GLB1L3: variants seen among roughly 807,000 people sequenced by gnomAD.
The protein encoded by GLB1L3 is galactosidase beta 1 like 3, also known as beta-galactosidase-1-like protein 3.
A neutral mutation model predicts 89.5 loss-of-function variants in GLB1L3; 89 were observed. The observed-to-expected ratio is 0.99, with a 90% confidence interval of 0.84 to 1.19. GLB1L3 has a LOEUF of 1.19. Among genes scored for constraint, GLB1L3 ranks in the 50% most tolerant of loss-of-function variants. GLB1L3 has a pLI of 0.00. For missense variants in GLB1L3, 812 were observed against 813.3 expected, an observed-to-expected ratio of 1.00 and a Z score of 0.02; for synonymous variants, 314 against 312.3, an observed-to-expected ratio of 1.01 and a Z score of -0.06.
At chr11:134,302,824 T>G (rs1031598164) in intron 9 of GLB1L3, among the ~76,000 whole-genome samples, 5 of 152,206 alleles carry the variant, frequency 3.3e-5, no homozygotes, top group Non-Finnish European at 5.9e-5. Context: ...AGTATTCTGT[T>G]TAAGTTCTAT....
In GLB1L3 at chr11:134,312,345, A is replaced by T. The variant is rs1356585401; in HGVS notation, c.1288-4A>T. The T allele has an allele frequency of 1.9e-6, 3 of 1,613,180 alleles. No individual in the cohort carries two copies. The highest frequency in any genetic ancestry group is 2.5e-6 in the Non-Finnish European group (3 of 1,179,770). On this transcript the variant is annotated splice_region_variant and splice_polypyrimidine_tract_variant and intron_variant, in intron 13 of 19. Transcript: ENST00000431683. ...ACTTCTGCTCTTGCCATTTCTCCTC[A>T]TAGCCAGTCAGGTCGCGTCAGCCCG... is the stretch of plus-strand genomic sequence containing the variant.
chr11:134,299,601 G>C (rs1462614956), intron 9 of GLB1L3, among the ~76,000 whole-genome samples: 1 of 152,146 alleles, frequency 6.6e-6, no homozygotes, highest in East Asian at 1.9e-4. Context: ...TTTTCTCTGT[G>C]TCTGCATTCC....
chr11:134,313,267 A>T (rs903784321), intron 15 of GLB1L3, 129 bp from the exon 16 acceptor site: 10 of 667,220 alleles, frequency 1.5e-5, no homozygotes, highest in Admixed American at 1.2e-4. Flanking sequence ...GGTGAAGGGA[A>T]GACTGCTGGG....
intron 9 of GLB1L3, among the ~76,000 whole-genome samples, 186 bp downstream of exon 9, chr11:134,293,395 G>C (rs1295042131): frequency 1.3e-5 from 2 of 152,132 alleles, no homozygotes; most frequent in African/African-American, 2.4e-5. Flanking sequence ...AACCCTGCTT[G>C]TGTCACCTCC....
chr11:134,276,745 A>T lies in GLB1L3; in HGVS notation c.5A>T (p.Lys2Met). The stretch of plus-strand genomic sequence containing the variant: ...CGGCGCCTCGGCCTGGCCGCGATGA[A>T]GTCCCCGCCCCTCCTCAGGTGACGG... M[K>M]SPPLLSPCLS... The change falls in exon 1 of 20, where the codon AAG becomes ATG. Residue 2 changes from lysine (K) to methionine (M), a missense_variant. Around this residue, in one of 3 missense-constraint regions of GLB1L3, gnomAD observed 191 missense variants for 191.4 expected, o/e 1.00. Transcript: ENST00000431683. 6.9e-7 allele frequency: 1 copy of T among 1,449,924 alleles called. No homozygotes were observed. Among genetic ancestry groups the T allele is most frequent in the Non-Finnish European group, 9.1e-7 (1 of 1,103,036 alleles). 89.8% of individuals were successfully genotyped at this position (1,449,924 alleles called of 1,614,324 possible). A position where few individuals can be genotyped will look rare whatever the true frequency, so the allele number is the denominator to read the frequency against.
chr11:134,303,194 A>G (rs1186438270), intron 9 of GLB1L3, among the ~76,000 whole-genome samples: 2 of 152,120 alleles, frequency 1.3e-5, no homozygotes, highest in East Asian at 1.9e-4. Context: ...ATCATTTTCT[A>G]TATCCTCATT....
intron 9 of GLB1L3, among the ~76,000 whole-genome samples, chr11:134,294,440 C>T (rs1268222643): frequency 6.6e-6 from 1 of 152,216 alleles, no homozygotes; most frequent in Non-Finnish European, 1.5e-5. Context: ...GGATCTGTGG[C>T]TATCTCTAGT....
In GLB1L3 at chr11:134,318,905, G is replaced by A. The variant is rs539273409; in HGVS notation, c.1925G>A (p.Gly642Asp). 1.2e-6 allele frequency: 2 copies of A among 1,613,116 alleles called. No homozygotes were observed. Among genetic ancestry groups the A allele is most frequent in the Admixed American group, 1.7e-5 (1 of 59,986 alleles). ...ATCTTGTTTGAGAAGATGATGAGTGGCTCAGATATCAAATCTACAGACAAG... is the reference window on the plus strand; with the variant it reads ...ATCTTGTTTGAGAAGATGATGAGTGACTCAGATATCAAATCTACAGACAAG... ...EVILFEKMMS[G>D]SDIKSTDKPT... is the part of the protein sequence containing the mutation. Residue 642 changes from glycine to aspartate, a missense_variant, in exon 20 of 20, where the codon GGC becomes GAC. By Grantham distance (94) the Gly-to-Asp change is moderately conservative (BLOSUM62 -1). Around this residue, in one of 3 missense-constraint regions of GLB1L3, gnomAD observed 618 missense variants for 604.0 expected, o/e 1.02. Transcript: ENST00000431683.
chr11:134,306,307 TTAA>T (rs1157997634), intron 9 of GLB1L3, among the ~76,000 whole-genome samples: 1 of 152,226 alleles, frequency 6.6e-6, no homozygotes, highest in Non-Finnish European at 1.5e-5. Context: ...TTATACCCAA[TTAA>T]TAATTTTAAA....
chr11:134,316,198 TC>T (rs1181234994), intron 18 of GLB1L3, among the ~76,000 whole-genome samples: 1 of 151,338 alleles, frequency 6.6e-6, no homozygotes, highest in Non-Finnish European at 1.5e-5. Context: ...TGGAAATGAC[TC>T]CCATACCTTT....
At chr11:134,310,480 A>G (rs2136217267) in intron 11 of GLB1L3, 91 bp from the exon 12 acceptor site, 1 of 901,524 alleles carries the variant, frequency 1.1e-6, no homozygotes, top group Non-Finnish European at 1.8e-6. Context: ...TGTCTCACTC[A>G]CGGTGGCCCT....
chr11:134,307,146 T>C lies in GLB1L3; in HGVS notation c.899T>C (p.Met300Thr), dbSNP rs996468222. The C allele has an allele frequency of 6.2e-7, 1 of 1,613,736 alleles. No individual in the cohort carries two copies. Among genetic ancestry groups the C allele is most frequent in the Non-Finnish European group, 8.5e-7 (1 of 1,179,690 alleles). The change falls in exon 10 of 20, where the codon ATG becomes ACG. Residue 300 changes from methionine (M) to threonine (T), a missense_variant. By Grantham distance (81) the Met-to-Thr change is moderately conservative. Around this residue, in one of 3 missense-constraint regions of GLB1L3, gnomAD observed 618 missense variants for 604.0 expected, o/e 1.02. Coordinates refer to ENST00000431683, the MANE Select transcript of GLB1L3 (RefSeq NM_001080407.3). Reference sequence around the variant, plus strand: ...TAGAGAGATAAGCCCCTTCTGATTATGGAATACTGGGTCGGCTGGTTCGAC... The same window carrying C: ...TAGAGAGATAAGCCCCTTCTGATTACGGAATACTGGGTCGGCTGGTTCGAC... Reference protein sequence around the residue: ...KVQRDKPLLIMEYWVGWFDRW... With the variant: ...KVQRDKPLLITEYWVGWFDRW...
chr11:134,284,259 A>T (rs1010881333), intron 6 of GLB1L3, among the ~76,000 whole-genome samples: 2 of 151,836 alleles, frequency 1.3e-5, no homozygotes, highest in African/African-American at 4.9e-5. Flanking sequence ...AACCAATTTT[A>T]CTAGATTTTG....
chr11:134,283,707 A>C (rs1418664515), intron 5 of GLB1L3, 30 bp from the exon 6 acceptor site: 1 of 1,374,716 alleles, frequency 7.3e-7, no homozygotes, highest in East Asian at 2.3e-5. Context: ...AACCCGTCTC[A>C]GACCCTGAGC....
At chr11:134,306,155 G>A (rs1211938372) in intron 9 of GLB1L3, among the ~76,000 whole-genome samples, 2 of 152,126 alleles carry the variant, frequency 1.3e-5, no homozygotes, top group Non-Finnish European at 2.9e-5. Flanking sequence ...TGTGAAATTA[G>A]CATCCTACAG....
chr11:134,277,357 A>G lies in GLB1L3; in HGVS notation c.55A>G (p.Ile19Val). 1.2e-6 allele frequency: 2 copies of G among 1,613,908 alleles called. No individual in the cohort carries two copies. The highest frequency in any genetic ancestry group is 1.7e-6 in the Non-Finnish European group (2 of 1,179,880). Residue 19 changes from isoleucine (I) to valine (V), a missense_variant, in exon 2 of 20, where the codon ATC (isoleucine) becomes GTC (valine). Transcript: ENST00000431683. ...PCLSWKRMAG[I>V]FFLPFISSGF... ...TCTCTCCTGGAAGAGAATGGCGGGC[A>G]TCTTTTTCCTGCCATTTATCTCATC...
At chr11:134,296,876 CAA>C (rs897188098) in intron 9 of GLB1L3, among the ~76,000 whole-genome samples, 20 of 107,732 alleles carry the variant, frequency 1.9e-4, no homozygotes, top group African/African-American at 5.9e-4. Context: ...AACAAACAAA[CAA>C]AAAAAGAAAA....
At chr11:134,313,296 TC>T in intron 15 of GLB1L3, 99 bp from the exon 16 acceptor site, 2 of 830,974 alleles carry the variant, frequency 2.4e-6, no homozygotes. Context: ...CCTCCTGTTC[TC>T]CCATGTGTCT....
intron 18 of GLB1L3, 91 bp downstream of exon 18, chr11:134,314,532 C>T: frequency 1.3e-6 from 1 of 781,704 alleles, no homozygotes; most frequent in Non-Finnish European, 2.2e-6. Context: ...TGGAGGAATA[C>T]TTCCCTTTCT....
Sources: allele counts gnomAD v4.1 joint callset (sites outside exome capture counted in the v4.1 genomes callset), GRCh38; gene constraint gnomAD v4.1.1; regional missense constraint gnomAD v4.1.1; transcripts MANE v1.5; gene names NCBI Gene and HGNC (gene_info 2026-07-23, HGNC 2026-07-21).